MECOM: variants seen among roughly 807,000 people sequenced by gnomAD.
MECOM encodes the protein MDS1 and EVI1 complex locus.
In MECOM, 13 loss-of-function variants were observed where a neutral mutation model predicts 116.3. The ratio of observed to expected loss-of-function variants is 0.11; its 90% CI spans 0.07 to 0.18. The LOEUF is 0.18. MECOM is among the 10% of genes least tolerant of loss of function. The pLI is 1.00. For missense variants in MECOM, 1,299 were observed against 1,509.0 expected, an observed-to-expected ratio of 0.86 and a Z score of 2.31; for synonymous variants, 528 against 535.2, an observed-to-expected ratio of 0.99 and a Z score of 0.19.
At chr3:169,328,067 T>G (rs552866216) in intron 2 of MECOM, among the ~76,000 whole-genome samples, 2 of 152,178 alleles carry the variant, frequency 1.3e-5, no homozygotes, top group South Asian at 4.1e-4. Flanking sequence ...GCATTTTGTT[T>G]CCATGCTACA....
rs563368310 is a variant in MECOM, at chr3:169,225,861, G to A, written c.376-82029C>T. The stretch of plus-strand genomic sequence containing the variant: ...CTGACATCGTGATCCGCCTGCCTCG[G>A]CCTCCCAAAGTGCTGGGATTACAGG... On this transcript the variant is annotated intron_variant, in intron 2 of 16. Coordinates refer to ENST00000651503, the MANE Select transcript of MECOM (RefSeq NM_004991.4). Among the ~76,000 whole-genome samples the A allele has an allele frequency of 5.9e-5, 9 of 152,274 alleles. 1 individual carries two copies. In the South Asian group the frequency reaches 1.9e-3, roughly 32 times the overall value.
chr3:169,576,730 T>C (rs1265867746), intron 1 of MECOM, among the ~76,000 whole-genome samples: 1 of 151,942 alleles, frequency 6.6e-6, no homozygotes, highest in African/African-American at 2.4e-5. Flanking sequence ...GGTTCAGTGA[T>C]GCATCCAAGG....
chr3:169,663,270 TAG>T, intron 1 of MECOM, 64 bp downstream of exon 1: 1 of 1,551,638 alleles, frequency 6.4e-7, no homozygotes. Flanking sequence ...CCCGGAGCGC[TAG>T]AGACAGATAT....
At chr3:169,568,779 C>G (rs1396399979) in intron 1 of MECOM, among the ~76,000 whole-genome samples, 2 of 152,180 alleles carry the variant, frequency 1.3e-5, no homozygotes, top group Non-Finnish European at 2.9e-5. Context: ...CCTTTACAGA[C>G]AAGCAAATGC....
chr3:169,262,036 C>T (rs953965434), intron 2 of MECOM, among the ~76,000 whole-genome samples: 5 of 152,162 alleles, frequency 3.3e-5, no homozygotes, highest in African/African-American at 7.2e-5. Flanking sequence ...GTTTATGGAA[C>T]GTCTACCCTG....
At chr3:169,353,034 T>A (rs1726644462) in intron 2 of MECOM, among the ~76,000 whole-genome samples, 1 of 151,864 alleles carries the variant, frequency 6.6e-6, no homozygotes, top group South Asian at 2.1e-4. Context: ...TGTTGATTTA[T>A]CCCACGAGGC....
In MECOM at chr3:169,644,236, G is replaced by GTTTATTTA. The variant is rs10522068; in HGVS notation, c.37+19092_37+19099dup. Among the ~76,000 whole-genome samples, 722 of 148,150 alleles carry GTTTATTTA rather than the reference G, an allele frequency of 4.9e-3. 3 individuals are homozygous for GTTTATTTA. The highest frequency in any genetic ancestry group is 0.014 in the African/African-American group (563 of 39,636). On this transcript the variant is annotated intron_variant, in intron 1 of 16. Coordinates refer to ENST00000651503, the MANE Select transcript of MECOM (RefSeq NM_004991.4). ...TCCTCGCATTTTATTTTATTTATTT[G>GTTTATTTA]TTTATTTATTTATTTATTTATTTAT...
chr3:169,334,456 C>T (rs193154892), intron 2 of MECOM, among the ~76,000 whole-genome samples: 77 of 152,280 alleles, frequency 5.1e-4, no homozygotes, highest in Non-Finnish European at 7.4e-4. Context: ...ATCCTGTTCT[C>T]ATAGATTTTA....
intron 2 of MECOM, among the ~76,000 whole-genome samples, chr3:169,306,021 T>C (rs906608448): frequency 6.6e-6 from 1 of 152,168 alleles, no homozygotes; most frequent in African/African-American, 2.4e-5. Context: ...CTTTTATAAG[T>C]ATATCTAGGT....
intron 1 of MECOM, among the ~76,000 whole-genome samples, chr3:169,549,666 A>G (rs1761138391): frequency 6.6e-6 from 1 of 152,162 alleles, no homozygotes; most frequent in African/African-American, 2.4e-5. Context: ...TGGAGAAGGG[A>G]CAGCACAGAA....
intron 1 of MECOM, among the ~76,000 whole-genome samples, chr3:169,463,265 A>G (rs780645168): frequency 5.3e-5 from 8 of 152,202 alleles, no homozygotes; most frequent in African/African-American, 9.6e-5. Flanking sequence ...GGCATCATTC[A>G]TCTTGCACAG....
At chr3:169,297,403 T>G (rs768217063) in intron 2 of MECOM, among the ~76,000 whole-genome samples, 3 of 152,256 alleles carry the variant, frequency 2.0e-5, no homozygotes, top group Non-Finnish European at 4.4e-5. Flanking sequence ...TATCAATCAT[T>G]AAACAAGTAA....
chr3:169,255,740 A>G (rs539907511), intron 2 of MECOM, among the ~76,000 whole-genome samples: 1 of 152,184 alleles, frequency 6.6e-6, no homozygotes, highest in Non-Finnish European at 1.5e-5. Flanking sequence ...TGGCTTAAAC[A>G]TAAATTCTCA....
intron 2 of MECOM, among the ~76,000 whole-genome samples, chr3:169,204,637 G>A (rs1313367463): frequency 6.6e-6 from 1 of 152,106 alleles, no homozygotes; most frequent in African/African-American, 2.4e-5. Flanking sequence ...TATTTAAAAT[G>A]AATACATATT....
At chr3:169,503,693 A>G (rs926594058) in intron 1 of MECOM, among the ~76,000 whole-genome samples, 1 of 152,182 alleles carries the variant, frequency 6.6e-6, no homozygotes, top group Non-Finnish European at 1.5e-5. Context: ...AACACTGTAC[A>G]ACCCAATAGT....
intron 2 of MECOM, among the ~76,000 whole-genome samples, chr3:169,378,569 AGAAAGAAAGAAAGAAAGTAAGT>A (rs2108261047): frequency 1.5e-5 from 2 of 131,794 alleles, no homozygotes; most frequent in East Asian, 4.3e-4. Context: ...AAAGAAAGAA[AGAAAGAAAGAAAGAAAGTAAGT>A]AAGTAAGTTT....
At chr3:169,255,056 A>G (rs16853381) in intron 2 of MECOM, among the ~76,000 whole-genome samples, 3,908 of 152,266 alleles carry the variant, frequency 0.026, 197 homozygotes, top group African/African-American at 0.09. Flanking sequence ...AACCTGTTTG[A>G]CATTCCCAAT....
chr3:169,454,168 C>T (rs965344860), intron 1 of MECOM, among the ~76,000 whole-genome samples: 2 of 152,132 alleles, frequency 1.3e-5, no homozygotes, highest in Admixed American at 1.3e-4. Context: ...AATTAAAGGG[C>T]TTGTGCATCA....
intron 1 of MECOM, among the ~76,000 whole-genome samples, chr3:169,452,351 A>G (rs975084698): frequency 6.6e-6 from 1 of 152,212 alleles, no homozygotes; most frequent in Non-Finnish European, 1.5e-5. Context: ...TAAAAATTAA[A>G]TAAGTTAACA....
Sources: allele counts gnomAD v4.1 joint callset (sites outside exome capture counted in the v4.1 genomes callset), GRCh38; gene constraint gnomAD v4.1.1; transcripts MANE v1.5; gene names NCBI Gene and HGNC (gene_info 2026-07-23, HGNC 2026-07-21).